Variants in RBFOX1 observed in about 807,000 individuals in gnomAD.
RBFOX1 encodes RNA binding protein fox-1 homolog 1.
Under a neutral mutation model 57.7 loss-of-function variants are expected in RBFOX1, and 8 were observed. That is an observed-to-expected ratio of 0.14 (90% CI 0.08 to 0.25). RBFOX1 has a LOEUF of 0.25. RBFOX1 is among the 10% of genes least tolerant of loss of function. RBFOX1 has a pLI of 1.00. For synonymous variants in RBFOX1, 326 were observed against 222.4 expected (o/e 1.47, Z -4.15); for missense variants, 611 against 548.5 (o/e 1.11, Z -1.14).
intron 2 of RBFOX1, among the ~76,000 whole-genome samples, chr16:6,360,656 A>G (rs2088290537): frequency 6.6e-6 from 1 of 152,206 alleles, no homozygotes; most frequent in African/African-American, 2.4e-5. Context: ...CAAGTATATC[A>G]TGCCGTTTCA....
intron 9 of RBFOX1, among the ~76,000 whole-genome samples, chr16:7,598,398 A>G (rs1416919124): frequency 6.6e-6 from 1 of 152,166 alleles, no homozygotes; most frequent in Non-Finnish European, 1.5e-5. Flanking sequence ...TCTTTGATTC[A>G]GGTTCATAAA....
intron 2 of RBFOX1, among the ~76,000 whole-genome samples, chr16:6,462,589 G>A (rs1014046680): frequency 2.6e-5 from 4 of 151,992 alleles, no homozygotes; most frequent in African/African-American, 7.2e-5. Context: ...CATTTGGCAC[G>A]TATTTCTTTC....
intron 11 of RBFOX1, among the ~76,000 whole-genome samples, chr16:7,633,874 G>A (rs1198543552): frequency 3.3e-5 from 5 of 152,164 alleles, no homozygotes; most frequent in African/African-American, 1.2e-4. Flanking sequence ...TGGATTGCTG[G>A]CTTGGCAACA....
chr16:6,370,231 G>A (rs946528224), intron 2 of RBFOX1, among the ~76,000 whole-genome samples: 3 of 151,746 alleles, frequency 2.0e-5, no homozygotes, highest in Admixed American at 6.6e-5. Flanking sequence ...GGTGGCGGGC[G>A]GCTGTAGTCC....
chr16:6,736,954 G>A (rs192124199), intron 3 of RBFOX1, among the ~76,000 whole-genome samples: 81 of 152,304 alleles, frequency 5.3e-4, no homozygotes, highest in Non-Finnish European at 7.8e-4. Flanking sequence ...GTTAGCATCG[G>A]GAAGCGACAG....
intron 4 of RBFOX1, among the ~76,000 whole-genome samples, chr16:7,169,274 A>G (rs1224920290): frequency 1.3e-5 from 2 of 152,216 alleles, no homozygotes; most frequent in Non-Finnish European, 2.9e-5. Flanking sequence ...AATGCTAAGA[A>G]TTTTGAGTTT....
rs1369388042 is a variant in RBFOX1 at position 7,710,720 on chromosome 16, G to T, written c.1169G>T (p.Gly390Val). The T allele has an allele frequency of 1.2e-6, 2 of 1,603,658 alleles. No homozygotes were observed. ...SSLQASIYRG[G>V]YNRFAPY ...TTGCAGGCTAGTATATACCGAGGGGGATACAACCGTTTTGCTCCATACTAA... is the reference window on the plus strand; with the variant it reads ...TTGCAGGCTAGTATATACCGAGGGGTATACAACCGTTTTGCTCCATACTAA... The change falls in exon 16 of 16, where the codon GGA becomes GTA. Residue 390 changes from glycine to valine, a missense_variant. Coordinates refer to ENST00000550418, the MANE Select transcript of RBFOX1 (RefSeq NM_018723.4).
intron 1 of RBFOX1, among the ~76,000 whole-genome samples, chr16:6,173,869 C>T (rs533187711): frequency 6.6e-6 from 1 of 152,092 alleles, no homozygotes; most frequent in African/African-American, 2.4e-5. Flanking sequence ...CTTGGCCTCC[C>T]AAAGTGCTGT....
chr16:5,562,908 T>C (rs1468002004), intron 2 of RBFOX1, among the ~76,000 whole-genome samples: 1 of 152,176 alleles, frequency 6.6e-6, no homozygotes, highest in South Asian at 2.1e-4. Flanking sequence ...AGGAGGAATA[T>C]GCAGATGAGG....
chr16:6,590,358 C>G (rs1486761126), intron 2 of RBFOX1, among the ~76,000 whole-genome samples: 2 of 152,270 alleles, frequency 1.3e-5, no homozygotes, highest in South Asian at 2.1e-4. Context: ...TTTGTTGTTT[C>G]TTCCCACCTC....
chr16:6,986,697 CTCTG>C (rs1293710197), intron 3 of RBFOX1, among the ~76,000 whole-genome samples: 3 of 152,218 alleles, frequency 2.0e-5, no homozygotes, highest in African/African-American at 4.8e-5. Context: ...CTCTCCTTCT[CTCTG>C]TCTTTTTGCA....
At chr16:7,386,247 A>G (rs1284531297) in intron 4 of RBFOX1, among the ~76,000 whole-genome samples, 1 of 152,054 alleles carries the variant, frequency 6.6e-6, no homozygotes, top group Non-Finnish European at 1.5e-5. Flanking sequence ...CTGGTCCTTT[A>G]TGATACTTTC....
intron 2 of RBFOX1, among the ~76,000 whole-genome samples, chr16:6,552,158 T>A (rs899907753): frequency 2.0e-5 from 3 of 152,220 alleles, no homozygotes; most frequent in African/African-American, 7.2e-5. Context: ...CCCACATTTT[T>A]AAAAGTTGGA....
chr16:7,074,445 A>G (rs1598764163), intron 4 of RBFOX1, among the ~76,000 whole-genome samples: 1 of 152,250 alleles, frequency 6.6e-6, no homozygotes, highest in African/African-American at 2.4e-5. Context: ...ACAGTACAGT[A>G]TCTGAAATGT....
At chr16:7,199,472 C>T (rs939637494) in intron 4 of RBFOX1, among the ~76,000 whole-genome samples, 2 of 152,122 alleles carry the variant, frequency 1.3e-5, no homozygotes, top group Non-Finnish European at 2.9e-5. Context: ...GCAGCGTACG[C>T]CTGAAGGTTT....
chr16:5,672,453 C>G (rs532669596), intron 3 of RBFOX1, among the ~76,000 whole-genome samples: 1 of 152,132 alleles, frequency 6.6e-6, no homozygotes, highest in Non-Finnish European at 1.5e-5. Context: ...CTATGCTGAA[C>G]CTTTGAAGGC....
At chr16:5,933,410 C>T (rs2059107265) in intron 4 of RBFOX1, among the ~76,000 whole-genome samples, 1 of 152,160 alleles carries the variant, frequency 6.6e-6, no homozygotes, top group African/African-American at 2.4e-5. Flanking sequence ...GGGATCCTGC[C>T]AGAGTGGCTC....
At chr16:7,391,932 T>C (rs1295045015) in intron 4 of RBFOX1, among the ~76,000 whole-genome samples, 3 of 152,240 alleles carry the variant, frequency 2.0e-5, no homozygotes, top group Non-Finnish European at 2.9e-5. Context: ...GTTTACCTTA[T>C]GCACTCCATC....
chr16:6,099,489 G>C (rs2096280285), intron 1 of RBFOX1, among the ~76,000 whole-genome samples: 1 of 152,188 alleles, frequency 6.6e-6, no homozygotes, highest in South Asian at 2.1e-4. Context: ...TAAATCCATA[G>C]AGGCAGAATG....
Sources: allele counts gnomAD v4.1 joint callset (sites outside exome capture counted in the v4.1 genomes callset), GRCh38; gene constraint gnomAD v4.1.1; transcripts MANE v1.5; gene names NCBI Gene and HGNC (gene_info 2026-07-23, HGNC 2026-07-21).